Variants in HS3ST4 observed in about 807,000 individuals in gnomAD.
HS3ST4 encodes heparan sulfate glucosamine 3-O-sulfotransferase 4.
In HS3ST4, 17 loss-of-function variants were observed where a neutral mutation model predicts 29.2. The observed-to-expected ratio is 0.58, with a 90% confidence interval of 0.40 to 0.87. The LOEUF is 0.87. HS3ST4 is among the 40% of genes least tolerant of loss of function. The pLI is 0.00. For missense variants in HS3ST4, 627 were observed against 634.5 expected, an observed-to-expected ratio of 0.99 and a Z score of 0.13; for synonymous variants, 314 against 285.7, an observed-to-expected ratio of 1.10 and a Z score of -1.00.
At chr16:25,753,609 A>G (rs1389929520) in intron 1 of HS3ST4, among the ~76,000 whole-genome samples, 1 of 152,092 alleles carries the variant, frequency 6.6e-6, no homozygotes, top group Non-Finnish European at 1.5e-5. Flanking sequence ...GGTGTGTTCA[A>G]GATCACTTAG....
chr16:25,883,255 A>G (rs890686895), intron 1 of HS3ST4, among the ~76,000 whole-genome samples: 8 of 151,830 alleles, frequency 5.3e-5, no homozygotes, highest in African/African-American at 1.7e-4. Context: ...TGAAACTCAA[A>G]AGACAGGCTC....
At chr16:25,845,595 C>G (rs754757554) in intron 1 of HS3ST4, among the ~76,000 whole-genome samples, 2 of 151,236 alleles carry the variant, frequency 1.3e-5, no homozygotes, top group Non-Finnish European at 2.9e-5. Context: ...TTAATTGGTG[C>G]CGAAAAATTG....
At chr16:25,994,778 G>T in intron 1 of HS3ST4, among the ~76,000 whole-genome samples, 1 of 152,154 alleles carries the variant, frequency 6.6e-6, no homozygotes, top group South Asian at 2.1e-4. Flanking sequence ...TCTCACGAAA[G>T]CTCTTCTATC....
intron 1 of HS3ST4, among the ~76,000 whole-genome samples, chr16:25,882,081 C>G (rs572414000): frequency 6.6e-6 from 1 of 152,212 alleles, no homozygotes; most frequent in East Asian, 1.9e-4. Flanking sequence ...ACCCTCCGTC[C>G]CTCTCTCTTG....
rs542432011 is a variant in HS3ST4 at position 25,987,305 on chromosome 16, C to T, written c.735-148307C>T. ...CAGAGGTTGCAGTGAGCTGAGATCA[C>T]GCCATTGCAGTCCAGCCTGGGCAAC... On this transcript the variant is annotated intron_variant, in intron 1 of 1. Coordinates refer to ENST00000331351, the MANE Select transcript of HS3ST4 (RefSeq NM_006040.3). Among the ~76,000 whole-genome samples, 8 of 151,654 alleles carry T rather than the reference C, an allele frequency of 5.3e-5. No individual in the cohort carries two copies. The South Asian group carries it at 1.0e-3, about 20-fold the overall frequency.
chr16:25,794,676 G>T (rs1317350329), intron 1 of HS3ST4, among the ~76,000 whole-genome samples: 2 of 151,596 alleles, frequency 1.3e-5, no homozygotes, highest in Non-Finnish European at 2.9e-5. Flanking sequence ...TGTTTTCTCT[G>T]TTTGTTTCAT....
At chr16:25,875,963 T>A (rs561249104) in intron 1 of HS3ST4, among the ~76,000 whole-genome samples, 51 of 152,310 alleles carry the variant, frequency 3.3e-4, no homozygotes, top group African/African-American at 1.2e-3. Flanking sequence ...CTGCTTCTCT[T>A]GGGCTAATGT....
intron 1 of HS3ST4, among the ~76,000 whole-genome samples, chr16:25,878,849 C>T (rs190566599): frequency 2.0e-3 from 301 of 152,218 alleles, no homozygotes; most frequent in African/African-American, 7.0e-3. Context: ...TACCAGATAT[C>T]GGGCCAAGGG....
At position 25,995,516 on chromosome 16, in the gene HS3ST4, TA is replaced by T. The variant is rs1466216782; in HGVS notation, c.735-140092del. Among the ~76,000 whole-genome samples the T allele has an allele frequency of 3.3e-5, 5 of 152,248 alleles. No homozygotes were observed. The East Asian group carries it at 9.7e-4, about 29-fold the overall frequency. ...TTTCCCAACAATTCCACTGAAAACT[TA>T]AAATGGACTGTACTAGGAGCAACCA... is the stretch of plus-strand genomic sequence containing the variant. On this transcript the variant is annotated intron_variant, in intron 1 of 1. Transcript: ENST00000331351.
chr16:26,030,567 A>G lies in HS3ST4; in HGVS notation c.735-105045A>G, dbSNP rs141007550. 2.6e-5 allele frequency among the ~76,000 whole-genome samples: 4 copies of G among 152,254 alleles called. No individual in the cohort carries two copies. The East Asian group carries it at 7.7e-4, about 29-fold the overall frequency. On this transcript the variant is annotated intron_variant, in intron 1 of 1. Coordinates refer to ENST00000331351, the MANE Select transcript of HS3ST4 (RefSeq NM_006040.3). ...ACACTTTTTCTCCTTCTATAACCCA[A>G]TTAAGTAAGACCTGTAGAGCCCATC...
chr16:25,827,855 T>C (rs1382597751), intron 1 of HS3ST4, among the ~76,000 whole-genome samples: 1 of 152,184 alleles, frequency 6.6e-6, no homozygotes, highest in Admixed American at 6.5e-5. Context: ...TTATCCTCCA[T>C]GTTAACAGAT....
chr16:25,915,694 G>A (rs1002991320), intron 1 of HS3ST4, among the ~76,000 whole-genome samples: 6 of 152,120 alleles, frequency 3.9e-5, no homozygotes, highest in South Asian at 2.1e-4. Context: ...AAAATGCCAC[G>A]TTAGGAAATA....
chr16:25,777,280 CA>C lies in HS3ST4; in HGVS notation c.734+84131del, dbSNP rs1596567553. On this transcript the variant is annotated intron_variant, in intron 1 of 1. Coordinates refer to ENST00000331351, the MANE Select transcript of HS3ST4 (RefSeq NM_006040.3). ...AACTTCTGCTTTTCTTGATATCTGCCAATATCCCCCACACCTCTATAACTTT... is the reference window on the plus strand; with the variant it reads ...AACTTCTGCTTTTCTTGATATCTGCCATATCCCCCACACCTCTATAACTTT... Among the ~76,000 whole-genome samples, 4 of 152,286 alleles carry C rather than the reference CA, an allele frequency of 2.6e-5. No individual in the cohort carries two copies. The East Asian group carries it at 7.7e-4, about 29-fold the overall frequency.
intron 1 of HS3ST4, among the ~76,000 whole-genome samples, chr16:26,122,728 C>A (rs1899292286): frequency 6.6e-6 from 1 of 152,126 alleles, no homozygotes; most frequent in African/African-American, 2.4e-5. Flanking sequence ...AAAGGCCCAT[C>A]TATGATGCAA....
Position 25,816,712 on chromosome 16 carries a change from ACAGGCTTACAGGCTACGAAGT to A in HS3ST4, c.734+123586_734+123606del, listed in dbSNP as rs996724764. 4.6e-5 allele frequency among the ~76,000 whole-genome samples: 7 copies of A among 152,258 alleles called. No individual in the cohort carries two copies. The South Asian group carries it at 8.3e-4, about 18-fold the overall frequency. ...TAAAAGGAATTTATCTCTTACAGTT[ACAGGCTTACAGGCTACGAAGT>A]CAGGCTTACAGGCTACGAAGTCAGA... is the stretch of plus-strand genomic sequence containing the variant. On this transcript the variant is annotated intron_variant, in intron 1 of 1. Transcript: ENST00000331351.
At chr16:25,780,302 T>C (rs1218010024) in intron 1 of HS3ST4, among the ~76,000 whole-genome samples, 1 of 152,202 alleles carries the variant, frequency 6.6e-6, no homozygotes, top group Non-Finnish European at 1.5e-5. Context: ...ACATTTGCAG[T>C]AGATCACACT....
In HS3ST4 at chr16:26,137,066, G is replaced by A. The variant is rs1898293971; in HGVS notation, c.*818G>A. ...CAAAGAGTAGAGTAATTGTAACCGA[G>A]GTCAGAGCTCTGGGGTTGGCAGAGA... On this transcript the variant is annotated 3_prime_UTR_variant, in exon 2 of 2. Transcript: ENST00000331351. The A allele has an allele frequency of 6.6e-6, 1 of 152,024 alleles. No homozygotes were observed. The highest frequency in any genetic ancestry group is 2.4e-5 in the African/African-American group (1 of 41,350). The allele number at this position is 152,024 out of a possible 1,614,324, so 9.4% of individuals were successfully genotyped here.
At chr16:25,729,157 G>A (rs1374373833) in intron 1 of HS3ST4, among the ~76,000 whole-genome samples, 1 of 152,112 alleles carries the variant, frequency 6.6e-6, no homozygotes, top group Non-Finnish European at 1.5e-5. Flanking sequence ...GGATAGATGG[G>A]ACCCCACTCA....
chr16:25,828,552 G>T (rs969628610), intron 1 of HS3ST4, among the ~76,000 whole-genome samples: 1 of 151,768 alleles, frequency 6.6e-6, no homozygotes. Flanking sequence ...TGTTGGCCAG[G>T]CCAGACTCGA....
Sources: allele counts gnomAD v4.1 joint callset (sites outside exome capture counted in the v4.1 genomes callset), GRCh38; gene constraint gnomAD v4.1.1; transcripts MANE v1.5; gene names NCBI Gene and HGNC (gene_info 2026-07-23, HGNC 2026-07-21).